Variants in CD8B observed in about 807,000 individuals in gnomAD.
CD8B encodes the protein CD8 subunit beta.
A neutral mutation model predicts 24.2 loss-of-function variants in CD8B; 6 were observed. That is an observed-to-expected ratio of 0.25 (90% confidence interval 0.14 to 0.49). CD8B has a LOEUF of 0.49. Among genes scored for constraint, CD8B ranks in the 20% least tolerant of loss-of-function variants. The probability of loss-of-function intolerance (pLI) is 0.98; values close to 1 mark genes in which losing one functional copy is unlikely to be tolerated. For missense variants in CD8B, 196 were observed against 271.3 expected (o/e 0.72, Z 1.95); for synonymous variants, 84 against 108.3 (o/e 0.78, Z 1.39).
At chr2:86,860,958 C>A (rs1676551575) in intron 1 of CD8B, among the ~76,000 whole-genome samples, 1 of 152,204 alleles carries the variant, frequency 6.6e-6, no homozygotes, top group Non-Finnish European at 1.5e-5. Context: ...CCTCGGTAAC[C>A]CAGGAATTCC....
intron 1 of CD8B, 95 bp from the exon 2 acceptor site, chr2:86,858,511 A>C: frequency 1.4e-6 from 2 of 1,463,590 alleles, no homozygotes. Context: ...AGGAAAAGCC[A>C]TGGAAGGACC....
intron 3 of CD8B, among the ~76,000 whole-genome samples, chr2:86,850,449 C>T (rs549677678): frequency 5.3e-5 from 8 of 152,290 alleles, no homozygotes; most frequent in East Asian, 1.9e-4. Flanking sequence ...TCTGTGTGGA[C>T]GCCCCACAAG....
At chr2:86,823,355 C>G (rs1380458527) in intron 5 of CD8B, among the ~76,000 whole-genome samples, 1 of 152,160 alleles carries the variant, frequency 6.6e-6, no homozygotes, top group Non-Finnish European at 1.5e-5. Context: ...TCATGGCTCA[C>G]TGTAGCCTTC....
chr2:86,830,278 T>C (rs892243287), intron 5 of CD8B, among the ~76,000 whole-genome samples: 28 of 152,182 alleles, frequency 1.8e-4, no homozygotes, highest in African/African-American at 6.5e-4. Flanking sequence ...TGCATGTCTT[T>C]GCCACTAATA....
downstream of CD8B, among the ~76,000 whole-genome samples, chr2:86,834,962 A>C (rs1675115965): frequency 7.0e-6 from 1 of 143,814 alleles, no homozygotes; most frequent in Non-Finnish European, 1.5e-5. Flanking sequence ...AAAAAAAAAG[A>C]CAAGCGTTCC....
intron 5 of CD8B, among the ~76,000 whole-genome samples, chr2:86,817,657 C>G (rs577363259): frequency 1.3e-5 from 2 of 151,850 alleles, no homozygotes; most frequent in Non-Finnish European, 2.9e-5. Flanking sequence ...GAGGCAGAAC[C>G]CACAAATTTC....
downstream of CD8B, among the ~76,000 whole-genome samples, chr2:86,834,596 C>T (rs1010647914): frequency 6.6e-5 from 10 of 151,956 alleles, no homozygotes; most frequent in South Asian, 2.1e-4. Context: ...GGATAGCTGT[C>T]CATTGAACAG....
intron 5 of CD8B, among the ~76,000 whole-genome samples, chr2:86,822,554 A>G (rs1674522537): frequency 6.6e-6 from 1 of 152,252 alleles, no homozygotes; most frequent in Non-Finnish European, 1.5e-5. Context: ...CGCAGACAGC[A>G]TGCTTGATAT....
intron 5 of CD8B, among the ~76,000 whole-genome samples, chr2:86,823,435 G>A (rs904798362): frequency 6.6e-6 from 1 of 151,876 alleles, no homozygotes; most frequent in Admixed American, 6.6e-5. Flanking sequence ...ACCCACCACG[G>A]TGCCCGGCTA....
chr2:86,833,639 CCCTTCCTT>C (rs1553435044), downstream of CD8B, among the ~76,000 whole-genome samples: 4 of 75,960 alleles, frequency 5.3e-5, no homozygotes, highest in Non-Finnish European at 1.3e-4. Flanking sequence ...CTCCCTCCCT[CCCTTCCTT>C]CCTTCCTTCC....
At chr2:86,848,778 A>G (rs79029164) in intron 3 of CD8B, among the ~76,000 whole-genome samples, 15 of 146,154 alleles carry the variant, frequency 1.0e-4, no homozygotes, top group African/African-American at 2.1e-4. Flanking sequence ...GTGCAATGGC[A>G]AGATCTGGAC....
At chr2:86,851,762 G>T (rs1316307520) in intron 3 of CD8B, among the ~76,000 whole-genome samples, 1 of 152,150 alleles carries the variant, frequency 6.6e-6, no homozygotes, top group Non-Finnish European at 1.5e-5. Flanking sequence ...CTGGGCTGAG[G>T]TCAGTATTTT....
At chr2:86,854,510 T>C (rs1676136738) in intron 2 of CD8B, among the ~76,000 whole-genome samples, 1 of 152,202 alleles carries the variant, frequency 6.6e-6, no homozygotes, top group African/African-American at 2.4e-5. Flanking sequence ...TGGTGAGTGC[T>C]GTGTTGGGAC....
Position 86,858,301 on chromosome 2 carries a change from G to A in CD8B, c.159C>T (p.Tyr53=). Residue 53 remains tyrosine, a synonymous_variant, in exon 2 of 6, where the codon TAC becomes TAT. Transcript: ENST00000390655. ...AKISLSNMRI[Y]WLRQRQAPSS... Reference sequence around the variant, plus strand: ...TCGGTGCCTGGCGCTGTCTCAGCCAGTAGATGCGCATGTTACTGAGGGAGA... The same window carrying A: ...TCGGTGCCTGGCGCTGTCTCAGCCAATAGATGCGCATGTTACTGAGGGAGA... 6 of 1,614,014 alleles carry A rather than the reference G, an allele frequency of 3.7e-6. No individual in the cohort carries two copies. The South Asian group carries it at 6.6e-5, about 18-fold the overall frequency.
chr2:86,833,524 CTCCGCTCTCCTCCCCTCCCG>C (rs1413602972), downstream of CD8B, among the ~76,000 whole-genome samples: 646 of 132,826 alleles, frequency 4.9e-3, 2 homozygotes, highest in Non-Finnish European at 7.1e-3. Flanking sequence ...CTCCCCTCCC[CTCCGCTCTCCTCCCCTCCCG>C]TCCGCTCTCC....
At chr2:86,823,278 T>A (rs752660382) in intron 5 of CD8B, among the ~76,000 whole-genome samples, 5 of 147,014 alleles carry the variant, frequency 3.4e-5, no homozygotes, top group Admixed American at 6.9e-5. Flanking sequence ...AAAAAAAATT[T>A]TTAATTAATT....
At chr2:86,855,112 G>A (rs138705462) in intron 2 of CD8B, among the ~76,000 whole-genome samples, 2,870 of 149,888 alleles carry the variant, frequency 0.019, 101 homozygotes, top group African/African-American at 0.066. Flanking sequence ...CAGTGACTCC[G>A]TCTCAAAAAA....
chr2:86,821,226 A>G (rs960858333), intron 5 of CD8B, among the ~76,000 whole-genome samples: 1 of 151,600 alleles, frequency 6.6e-6, no homozygotes, highest in Admixed American at 6.6e-5. Context: ...CATCAAACTC[A>G]TGAAGCCTGC....
intron 3 of CD8B, among the ~76,000 whole-genome samples, chr2:86,851,349 G>A (rs1345402644): frequency 5.9e-5 from 9 of 152,094 alleles, no homozygotes; most frequent in Admixed American, 2.0e-4. Context: ...TGATGTTGCC[G>A]GGTTCTCCAC....
Sources: allele counts gnomAD v4.1 joint callset (sites outside exome capture counted in the v4.1 genomes callset), GRCh38; gene constraint gnomAD v4.1.1; transcripts MANE v1.5; gene names NCBI Gene and HGNC (gene_info 2026-07-23, HGNC 2026-07-21).